Variants in NALF1 observed in about 807,000 individuals in gnomAD.
NALF1 encodes the protein family with sequence similarity 155 member A.
A neutral mutation model predicts 48.4 loss-of-function variants in NALF1; 3 were observed. The observed-to-expected ratio is 0.06, with a 90% CI of 0.03 to 0.16. NALF1 has a LOEUF of 0.16. Ranked by LOEUF, NALF1 falls within the 10% of genes least tolerant of loss-of-function variation. The pLI is 1.00. For synonymous variants in NALF1, 262 were observed against 245.7 expected, an observed-to-expected ratio of 1.07 and a Z score of -0.62; for missense variants, 526 against 571.5, an observed-to-expected ratio of 0.92 and a Z score of 0.81.
intron 1 of NALF1, among the ~76,000 whole-genome samples, chr13:107,771,197 T>C (rs1877566548): frequency 6.6e-6 from 1 of 152,136 alleles, no homozygotes; most frequent in South Asian, 2.1e-4. Flanking sequence ...ACTTTCTGGA[T>C]GTTTCCAAAT....
chr13:107,836,608 A>G (rs1470951642), intron 1 of NALF1, among the ~76,000 whole-genome samples: 1 of 152,218 alleles, frequency 6.6e-6, no homozygotes, highest in Non-Finnish European at 1.5e-5. Flanking sequence ...AACACAAGGA[A>G]GAAAAGCAGA....
intron 1 of NALF1, among the ~76,000 whole-genome samples, chr13:107,333,522 T>C (rs776008837): frequency 1.1e-4 from 17 of 152,204 alleles, no homozygotes; most frequent in Non-Finnish European, 2.2e-4. Flanking sequence ...CATTTTTCAC[T>C]GCTCTGGGCA....
intron 1 of NALF1, among the ~76,000 whole-genome samples, chr13:107,420,725 TTCA>T (rs767994789): frequency 2.6e-5 from 4 of 152,180 alleles, no homozygotes; most frequent in Admixed American, 6.5e-5. Context: ...TAAGCACAAA[TTCA>T]TCGAGTACAT....
chr13:107,571,999 A>G (rs1489225254), intron 1 of NALF1, among the ~76,000 whole-genome samples: 1 of 152,184 alleles, frequency 6.6e-6, no homozygotes, highest in Non-Finnish European at 1.5e-5. Context: ...AGTATTCTCA[A>G]TGCTTCTAAG....
chr13:107,387,583 T>C (rs1883551370), intron 1 of NALF1, among the ~76,000 whole-genome samples: 1 of 151,984 alleles, frequency 6.6e-6, no homozygotes, highest in Non-Finnish European at 1.5e-5. Flanking sequence ...AACCCCCACC[T>C]CCCAAAAACG....
At chr13:107,496,282 C>T (rs995577737) in intron 1 of NALF1, among the ~76,000 whole-genome samples, 4 of 152,222 alleles carry the variant, frequency 2.6e-5, no homozygotes, top group African/African-American at 9.6e-5. Flanking sequence ...TTTATAGATG[C>T]AAAGGACCTG....
At chr13:107,447,915 T>C (rs965625043) in intron 1 of NALF1, among the ~76,000 whole-genome samples, 1 of 152,138 alleles carries the variant, frequency 6.6e-6, no homozygotes, top group African/African-American at 2.4e-5. Flanking sequence ...TTGGAGGTAG[T>C]TGTAGAGTCC....
At chr13:107,211,783 A>G (rs915302520) in intron 1 of NALF1, among the ~76,000 whole-genome samples, 1 of 152,224 alleles carries the variant, frequency 6.6e-6, no homozygotes, top group Non-Finnish European at 1.5e-5. Context: ...GTAGCCTAAG[A>G]GATTATAAAT....
At chr13:107,412,303 T>TA (rs1395996196) in intron 1 of NALF1, among the ~76,000 whole-genome samples, 1 of 152,204 alleles carries the variant, frequency 6.6e-6, no homozygotes, top group African/African-American at 2.4e-5. Flanking sequence ...TAGATACTAT[T>TA]ATCACTTTCA....
chr13:107,837,450 C>A (rs1429611363), intron 1 of NALF1, among the ~76,000 whole-genome samples: 2 of 152,086 alleles, frequency 1.3e-5, no homozygotes, highest in African/African-American at 4.8e-5. Context: ...ATCAGTGGTC[C>A]TTTTCATTCA....
At chr13:107,815,537 TG>T (rs1879137625) in intron 1 of NALF1, among the ~76,000 whole-genome samples, 2 of 152,144 alleles carry the variant, frequency 1.3e-5, no homozygotes, top group Non-Finnish European at 2.9e-5. Flanking sequence ...TGTGAAGAGA[TG>T]GGGACCCTTG....
chr13:107,616,321 T>C (rs1201030157), intron 1 of NALF1, among the ~76,000 whole-genome samples: 2 of 152,250 alleles, frequency 1.3e-5, no homozygotes, highest in Non-Finnish European at 2.9e-5. Flanking sequence ...GATTAGCCTA[T>C]TCTTTGTGAG....
At chr13:107,348,838 T>C (rs1882820897) in intron 1 of NALF1, among the ~76,000 whole-genome samples, 1 of 152,250 alleles carries the variant, frequency 6.6e-6, no homozygotes, top group African/African-American at 2.4e-5. Context: ...TGAAAGCTGC[T>C]ACAATTCAAC....
At chr13:107,243,400 C>T (rs1004148797) in intron 1 of NALF1, among the ~76,000 whole-genome samples, 1 of 152,184 alleles carries the variant, frequency 6.6e-6, no homozygotes, top group Non-Finnish European at 1.5e-5. Flanking sequence ...GCCCTGACCC[C>T]CATTGTTCCC....
At chr13:107,297,580 G>T (rs973844200) in intron 1 of NALF1, among the ~76,000 whole-genome samples, 1 of 152,076 alleles carries the variant, frequency 6.6e-6, no homozygotes, top group Non-Finnish European at 1.5e-5. Context: ...TTAAAACAAA[G>T]AAATAAAACA....
At chr13:107,339,027 G>C (rs568382280) in intron 1 of NALF1, among the ~76,000 whole-genome samples, 1 of 151,706 alleles carries the variant, frequency 6.6e-6, no homozygotes, top group African/African-American at 2.4e-5. Context: ...CCAGGTACTC[G>C]GGAGGCTGAG....
At chr13:107,690,703 G>A (rs1188530962) in intron 1 of NALF1, among the ~76,000 whole-genome samples, 5 of 152,122 alleles carry the variant, frequency 3.3e-5, no homozygotes, top group Non-Finnish European at 7.3e-5. Flanking sequence ...AGATGGGAGA[G>A]GAATGATTGA....
In NALF1 at chr13:107,867,243, C is replaced by G. The variant is rs1467946014; in HGVS notation, c.-647G>C. Reference sequence around the variant, plus strand: ...GCGCTGGCTCTCCCAGAGTCCGGAGCCTGGGCTGCCTCCGGCGGGGCGCTC... The same window carrying G: ...GCGCTGGCTCTCCCAGAGTCCGGAGGCTGGGCTGCCTCCGGCGGGGCGCTC... On this transcript the variant is annotated 5_prime_UTR_variant, in exon 1 of 3. Coordinates refer to ENST00000375915, the MANE Select transcript of NALF1 (RefSeq NM_001080396.3). This position sits in a 1 kb window ranked among gnomAD's most constrained non-coding sequence, Gnocchi z 4.4. 6.6e-6 allele frequency among the ~76,000 whole-genome samples: 1 copy of G among 150,926 alleles called. No homozygotes were observed. The highest frequency in any genetic ancestry group is 6.6e-5 in the Admixed American group (1 of 15,196).
chr13:107,298,237 C>T (rs1881762664), intron 1 of NALF1, among the ~76,000 whole-genome samples: 1 of 149,200 alleles, frequency 6.7e-6, no homozygotes, highest in Non-Finnish European at 1.5e-5. Flanking sequence ...GTAGTCCCAA[C>T]TACTAGGGAG....
Sources: allele counts gnomAD v4.1 joint callset (sites outside exome capture counted in the v4.1 genomes callset), GRCh38; gene constraint gnomAD v4.1.1; non-coding constraint Gnocchi (gnomAD v3.1); transcripts MANE v1.5; gene names NCBI Gene and HGNC (gene_info 2026-07-23, HGNC 2026-07-21).